The following SLC24A2 variants were observed in gnomAD, a reference collection of about 807,000 sequenced individuals.
The protein encoded by SLC24A2 is sodium/potassium/calcium exchanger 2.
In SLC24A2, 36 loss-of-function variants were observed where a neutral mutation model predicts 62.0. The ratio of observed to expected loss-of-function variants is 0.58; its 90% CI spans 0.44 to 0.77. SLC24A2 has a LOEUF of 0.77. SLC24A2 is among the 30% of genes least tolerant of loss of function. SLC24A2 has a pLI of 0.00. For missense variants in SLC24A2, 846 were observed against 817.9 expected, an observed-to-expected ratio of 1.03 and a Z score of -0.42; for synonymous variants, 358 against 294.0, an observed-to-expected ratio of 1.22 and a Z score of -2.23.
At chr9:19,976,189 TA>T in the SLC24A2 span, among the ~76,000 whole-genome samples, 19 of 151,258 alleles carry the variant, frequency 1.3e-4, no homozygotes, top group African/African-American at 2.7e-4. Context: ...CAGTGCAAGT[TA>T]AAAAAAAATA....
Position 19,509,883 on chromosome 9 carries a change from A to AC in SLC24A2, c.*6269dup, listed in dbSNP as rs1186306816. ...AAACAAATTCCCATCCTTTTGGTGA[A>AC]CCCTGGCCCATGAGATCAATCAGTA... On this transcript the variant is annotated 3_prime_UTR_variant, in exon 11 of 11. Transcript: ENST00000341998. The AC allele has an allele frequency of 6.6e-6, 1 of 150,380 alleles. No individual in the cohort carries two copies. Among genetic ancestry groups the AC allele is most frequent in the African/African-American group, 2.4e-5 (1 of 41,392 alleles). 9.3% of individuals were successfully genotyped at this position (150,380 alleles called of 1,614,324 possible).
chr9:20,062,913 A>G, the SLC24A2 span, among the ~76,000 whole-genome samples: 3 of 118,780 alleles, frequency 2.5e-5, no homozygotes, highest in Non-Finnish European at 5.0e-5. Context: ...ACTGGCCATC[A>G]GAGAAATGCA....
At chr9:20,282,005 G>A in the SLC24A2 span, among the ~76,000 whole-genome samples, 1 of 152,078 alleles carries the variant, frequency 6.6e-6, no homozygotes, top group African/African-American at 2.4e-5. Context: ...ATTGCACTGG[G>A]ACTCTGTGGG....
Position 19,512,577 on chromosome 9 carries a change from A to C in SLC24A2, c.*3576T>G, listed in dbSNP as rs1832757000. 6.6e-6 allele frequency: 1 copy of C among 152,250 alleles called. No individual in the cohort carries two copies. Among genetic ancestry groups the C allele is most frequent in the Admixed American group, 6.5e-5 (1 of 15,274 alleles). The allele number at this position is 152,250 out of a possible 1,614,324, so 9.4% of individuals were successfully genotyped here. A position where few individuals can be genotyped will look rare whatever the true frequency, so the allele number is the denominator to read the frequency against. ...GAGGGCAGCTGGAGTTGGCATGGGC[A>C]TTCTCAGATGCAATTTAGGAGTTTC... On this transcript the variant is annotated 3_prime_UTR_variant, in exon 11 of 11. Coordinates refer to ENST00000341998, the MANE Select transcript of SLC24A2 (RefSeq NM_020344.4).
At position 19,676,039 on chromosome 9, in the gene SLC24A2, G is replaced by T. The variant is rs1343932492; in HGVS notation, c.931-53740C>A. On this transcript the variant is annotated intron_variant, in intron 2 of 10. Coordinates refer to ENST00000341998, the MANE Select transcript of SLC24A2 (RefSeq NM_020344.4). ...CTTCCCTGGGGACCAAGAGCCCATA[G>T]GGCTCTTCCCACTGCTACTTCTACC... Among the ~76,000 whole-genome samples, 9 of 152,268 alleles carry T rather than the reference G, an allele frequency of 5.9e-5. No individual in the cohort carries two copies. The South Asian group carries it at 8.3e-4, about 14-fold the overall frequency.
chr9:20,150,408 A>C, the SLC24A2 span, among the ~76,000 whole-genome samples: 1 of 152,000 alleles, frequency 6.6e-6, no homozygotes. Flanking sequence ...CAAGAAAACT[A>C]TATATAGTAG....
chr9:19,653,446 T>C (rs1375613081), intron 2 of SLC24A2, among the ~76,000 whole-genome samples: 2 of 152,206 alleles, frequency 1.3e-5, no homozygotes, highest in East Asian at 3.8e-4. Flanking sequence ...TGGATGCAAC[T>C]ATAAGCTAGT....
At chr9:20,285,436 T>C in the SLC24A2 span, among the ~76,000 whole-genome samples, 2 of 152,182 alleles carry the variant, frequency 1.3e-5, no homozygotes. Context: ...AGAACCAGGA[T>C]GAACTGATGT....
the SLC24A2 span, among the ~76,000 whole-genome samples, chr9:20,235,391 C>T: frequency 5.3e-5 from 8 of 152,246 alleles, no homozygotes; most frequent in South Asian, 2.1e-4. Context: ...GAACTTCCCG[C>T]CGCTTTGTTT....
the SLC24A2 span, among the ~76,000 whole-genome samples, chr9:20,098,876 T>C: frequency 1.3e-5 from 2 of 152,204 alleles, no homozygotes; most frequent in African/African-American, 4.8e-5. Flanking sequence ...TTTTCAGAGG[T>C]GTTCCTAGCT....
chr9:20,034,370 C>T, the SLC24A2 span, among the ~76,000 whole-genome samples: 41 of 150,396 alleles, frequency 2.7e-4, no homozygotes, highest in Non-Finnish European at 4.9e-4. Flanking sequence ...CTTTTGCCTT[C>T]ATTTCCTTCT....
the SLC24A2 span, among the ~76,000 whole-genome samples, chr9:20,062,283 C>T: frequency 6.6e-6 from 1 of 151,812 alleles, no homozygotes; most frequent in Admixed American, 6.6e-5. Flanking sequence ...GGTAAAGGTA[C>T]CAAAACAGAG....
chr9:20,207,055 AC>A, the SLC24A2 span, among the ~76,000 whole-genome samples: 4 of 152,164 alleles, frequency 2.6e-5, no homozygotes, highest in Non-Finnish European at 5.9e-5. Flanking sequence ...TGAACCTGTA[AC>A]CATCTTCAGT....
At chr9:20,073,891 C>CACATATATATATATATATATATATAT in the SLC24A2 span, among the ~76,000 whole-genome samples, 2 of 87,100 alleles carry the variant, frequency 2.3e-5, no homozygotes, top group African/African-American at 8.2e-5. Context: ...TATATATATA[C>CACATATATATATATATATATATATAT]ACACATATAT....
the SLC24A2 span, among the ~76,000 whole-genome samples, chr9:19,971,682 G>T: frequency 6.6e-6 from 1 of 151,072 alleles, no homozygotes; most frequent in Non-Finnish European, 1.5e-5. Context: ...AGGCCATTCA[G>T]AATGACACTT....
At chr9:19,645,623 G>T (rs1818619168) in intron 2 of SLC24A2, among the ~76,000 whole-genome samples, 1 of 152,162 alleles carries the variant, frequency 6.6e-6, no homozygotes, top group African/African-American at 2.4e-5. Context: ...TCCGGTGACA[G>T]TTCTCAGGCC....
the SLC24A2 span, among the ~76,000 whole-genome samples, chr9:20,212,818 ATATG>A: frequency 6.6e-6 from 1 of 151,396 alleles, no homozygotes; most frequent in Non-Finnish European, 1.5e-5. Context: ...ATAAAAATAT[ATATG>A]TATACTGAAA....
At chr9:20,068,878 T>C in the SLC24A2 span, among the ~76,000 whole-genome samples, 1 of 152,192 alleles carries the variant, frequency 6.6e-6, no homozygotes. Context: ...GTTTCAATTT[T>C]TCATGTTTAT....
chr9:19,709,806 G>C (rs1820659641), intron 2 of SLC24A2, among the ~76,000 whole-genome samples: 4 of 150,206 alleles, frequency 2.7e-5, no homozygotes, highest in Admixed American at 6.6e-5. Context: ...TGCTAAATGA[G>C]GAGTTAATGG....
Sources: gnomAD v4.1 joint callset for allele counts (sites outside exome capture counted in the v4.1 genomes callset) on GRCh38, gnomAD v4.1.1 for gene constraint, MANE v1.5 for transcripts, NCBI Gene and HGNC (gene_info 2026-07-23, HGNC 2026-07-21) for gene names.